FSIP2: variants seen among roughly 807,000 people sequenced by gnomAD.
The protein encoded by FSIP2 is fibrous sheath-interacting protein 2.
In FSIP2, 367 loss-of-function variants were observed where a neutral mutation model predicts 510.5. The observed-to-expected ratio is 0.72, with a 90% CI of 0.66 to 0.78. The LOEUF (loss-of-function observed/expected upper bound fraction) is 0.78, where lower values mean the gene tolerates loss of function less well. Ranked by LOEUF, FSIP2 falls within the 30% of genes least tolerant of loss-of-function variation. The pLI, the probability that FSIP2 is intolerant of heterozygous loss-of-function variation, is 0.00. For missense variants in FSIP2, 7,594 were observed against 7,901.7 expected (o/e 0.96, Z 1.48); for synonymous variants, 2,601 against 2,732.2 (o/e 0.95, Z 1.50).
intron 13 of FSIP2, among the ~76,000 whole-genome samples, chr2:185,778,501 T>C (rs1692775007): frequency 6.6e-6 from 1 of 152,034 alleles, no homozygotes; most frequent in Non-Finnish European, 1.5e-5. Context: ...TTTGTACCCA[T>C]GAGTTAGTTG....
chr2:185,833,029 G>A, intron 22 of FSIP2, 61 bp from the exon 23 acceptor site: 1 of 1,486,312 alleles, frequency 6.7e-7, no homozygotes, highest in Non-Finnish European at 9.3e-7. Context: ...CCTTAGGCAA[G>A]GTATTTTACC....
At chr2:185,762,389 G>T (rs1220992371) in intron 11 of FSIP2, among the ~76,000 whole-genome samples, 1 of 151,138 alleles carries the variant, frequency 6.6e-6, no homozygotes, top group Non-Finnish European at 1.5e-5. Context: ...TTTCCCATTT[G>T]TCTTTAAATG....
At chr2:185,782,599 A>C in intron 13 of FSIP2, 106 bp from the exon 14 acceptor site, 1 of 714,068 alleles carries the variant, frequency 1.4e-6, no homozygotes, top group Non-Finnish European at 2.4e-6. Context: ...GAAAGCCTGT[A>C]AACGAGGCAG....
In FSIP2 at chr2:185,807,172, G is replaced by C; in HGVS notation, c.17866G>C (p.Glu5956Gln). 1 of 1,601,606 alleles carries C rather than the reference G, an allele frequency of 6.2e-7. No individual in the cohort carries two copies. The highest frequency in any genetic ancestry group is 8.5e-7 in the Non-Finnish European group (1 of 1,175,892). The change falls in exon 17 of 23, where the codon GAA (glutamate) becomes CAA (glutamine). Residue 5956 changes from glutamate (E) to glutamine (Q), a missense_variant. Glu to Gln is a conservative substitution (Grantham distance 29, BLOSUM62 2). Coordinates refer to ENST00000424728, the MANE Select transcript of FSIP2 (RefSeq NM_173651.4). ...ARRLTSAVIN[E>Q]IFQRQVNLIF... is the part of the protein sequence containing the mutation. ...AAGACTAACTAGTGCAGTGATAAAT[G>C]AAATTTTCCAACGTCAGGTTAACTT...
At chr2:185,777,146 C>G (rs1304007841) in intron 13 of FSIP2, among the ~76,000 whole-genome samples, 1 of 152,094 alleles carries the variant, frequency 6.6e-6, no homozygotes, top group Admixed American at 6.6e-5. Flanking sequence ...ATACATTTTC[C>G]GTCAGTTTTG....
At position 185,791,807 on chromosome 2, in the gene FSIP2, A is replaced by C. The variant is rs1402999392; in HGVS notation, c.4671A>C (p.Ala1557=). Reference sequence around the variant, plus strand: ...ATAAAGAAGAGACTAAAAGCAAGGCAAAACCTGTTGCTCCTGTGTCTTCCA... The same window carrying C: ...ATAAAGAAGAGACTAAAAGCAAGGCCAAACCTGTTGCTCCTGTGTCTTCCA... ...EDNKEETKSK[A]KPVAPVSSKT... Residue 1557 remains alanine (A), a synonymous_variant, in exon 16 of 23, where the codon GCA becomes GCC. Coordinates refer to ENST00000424728, the MANE Select transcript of FSIP2 (RefSeq NM_173651.4). 6.5e-7 allele frequency: 1 copy of C among 1,534,212 alleles called. No homozygotes were observed. Among genetic ancestry groups the C allele is most frequent in the Admixed American group, 2.0e-5 (1 of 50,844 alleles).
intron 14 of FSIP2, among the ~76,000 whole-genome samples, chr2:185,785,050 G>A (rs941301704): frequency 1.3e-5 from 2 of 151,990 alleles, no homozygotes; most frequent in Non-Finnish European, 2.9e-5. Context: ...AGTCTATTGG[G>A]AACTGCTACC....
intron 14 of FSIP2, among the ~76,000 whole-genome samples, chr2:185,784,507 G>T (rs895077006): frequency 7.2e-5 from 11 of 152,032 alleles, no homozygotes; most frequent in Admixed American, 2.6e-4. Flanking sequence ...GCCTGCAAAG[G>T]CTTCATTTGG....
rs1693486146 is a variant in FSIP2, at chr2:185,803,372, T to A, written c.14066T>A (p.Val4689Glu). ...GAGGAAAGACTGTGTTTACCTCCAG[T>A]GGAGAGGGATGTAGTCAAAACAATT... is the stretch of plus-strand genomic sequence containing the variant. ...NTEERLCLPP[V>E]ERDVVKTIVD... Residue 4689 changes from valine (V) to glutamate (E), a missense_variant, in exon 17 of 23, where the codon GTG becomes GAG. Physicochemically the swap from Val to Glu is moderately radical, Grantham distance 121 (BLOSUM62 -2). Coordinates refer to ENST00000424728, the MANE Select transcript of FSIP2 (RefSeq NM_173651.4). The A allele has an allele frequency of 6.5e-7, 1 of 1,532,982 alleles. No individual in the cohort carries two copies. The highest frequency in any genetic ancestry group is 1.4e-5 in the African/African-American group (1 of 72,798). 95.0% of individuals were successfully genotyped at this position (1,532,982 alleles called of 1,614,324 possible).
chr2:185,809,743 A>C (rs1364214678), intron 17 of FSIP2, among the ~76,000 whole-genome samples: 2 of 151,466 alleles, frequency 1.3e-5, no homozygotes, highest in African/African-American at 2.4e-5. Context: ...CCACTTACAC[A>C]CTTGTTTTTT....
At chr2:185,773,992 A>C (rs1692666091) in intron 13 of FSIP2, among the ~76,000 whole-genome samples, 1 of 152,214 alleles carries the variant, frequency 6.6e-6, no homozygotes, top group African/African-American at 2.4e-5. Flanking sequence ...TGGATCCTTC[A>C]GTTCTCCTAA....
At position 185,786,379 on chromosome 2, in the gene FSIP2, G is replaced by C. The variant is rs181650057; in HGVS notation, c.1506+91G>C. 336 of 793,050 alleles carry C rather than the reference G, an allele frequency of 4.2e-4. 1 individual carries two copies. Among genetic ancestry groups the C allele is most frequent in the Non-Finnish European group, 1.8e-4 (91 of 503,856 alleles). The allele number at this position is 793,050 out of a possible 1,614,324, so 49.1% of individuals were successfully genotyped here. The stretch of plus-strand genomic sequence containing the variant: ...AAAACATTTTGTTAACTAAGTAATA[G>C]GAATCATCCATTGATATTTGTTAGG... On this transcript the variant is annotated intron_variant, in intron 15 of 22. Coordinates refer to ENST00000424728, the MANE Select transcript of FSIP2 (RefSeq NM_173651.4).
chr2:185,779,206 T>A (rs1024340838), intron 13 of FSIP2, among the ~76,000 whole-genome samples: 4 of 152,166 alleles, frequency 2.6e-5, no homozygotes, highest in Admixed American at 1.3e-4. Flanking sequence ...AGTTTTCTAC[T>A]GCCTTATTTG....
At chr2:185,747,201 C>A in intron 6 of FSIP2, 112 bp from the exon 7 acceptor site, 1 of 614,038 alleles carries the variant, frequency 1.6e-6, no homozygotes, top group Non-Finnish European at 2.9e-6. Flanking sequence ...TTATGCTTAA[C>A]CTGATTTCTG....
At chr2:185,764,800 A>C (rs1692429647) in intron 13 of FSIP2, 1 of 427,236 alleles carries the variant, frequency 2.3e-6, no homozygotes, top group African/African-American at 2.0e-5. Flanking sequence ...AGTTATGGGA[A>C]AGAGAATGCA....
At position 185,804,588 on chromosome 2, in the gene FSIP2, T is replaced by A; in HGVS notation, c.15282T>A (p.Asn5094Lys). The A allele has an allele frequency of 3.9e-6, 6 of 1,533,034 alleles. No homozygotes were observed. The highest frequency in any genetic ancestry group is 5.2e-6 in the Non-Finnish European group (6 of 1,144,866). 95.0% of individuals were successfully genotyped at this position (1,533,034 alleles called of 1,614,324 possible). A position where few individuals can be genotyped will look rare whatever the true frequency, so the allele number is the denominator to read the frequency against. The change falls in exon 17 of 23, where the codon AAT (asparagine) becomes AAA (lysine). Residue 5094 changes from asparagine (N) to lysine (K), a missense_variant. Asn to Lys is a moderately conservative substitution (Grantham distance 94). Coordinates refer to ENST00000424728, the MANE Select transcript of FSIP2 (RefSeq NM_173651.4). ...SYPQADNIIRNVLNIITKDSH... is the reference protein window; with the variant it reads ...SYPQADNIIRKVLNIITKDSH... ...CCCAAGCTGATAATATCATCAGAAA[T>A]GTGCTTAACATAATCACAAAGGATA...
intron 13 of FSIP2, chr2:185,765,415 G>T (rs1029720579): frequency 6.6e-6 from 1 of 151,878 alleles, no homozygotes; most frequent in Admixed American, 6.6e-5. Context: ...TTTCCCCATT[G>T]CTTGTTTTTC....
intron 7 of FSIP2, among the ~76,000 whole-genome samples, chr2:185,752,827 G>T (rs1692175216): frequency 6.6e-6 from 1 of 151,164 alleles, no homozygotes; most frequent in Non-Finnish European, 1.5e-5. Context: ...ATATTCCCCT[G>T]CTTCTTTACA....
At chr2:185,758,138 A>C (rs1354720242) in intron 9 of FSIP2, among the ~76,000 whole-genome samples, 1 of 151,348 alleles carries the variant, frequency 6.6e-6, no homozygotes, top group African/African-American at 2.4e-5. Context: ...AATACCCTGA[A>C]ATTCATCCAA....
Sources: gnomAD v4.1 joint callset for allele counts (sites outside exome capture counted in the v4.1 genomes callset) on GRCh38, gnomAD v4.1.1 for gene constraint, MANE v1.5 for transcripts, NCBI Gene and HGNC (gene_info 2026-07-23, HGNC 2026-07-21) for gene names.